Variants in PALM2AKAP2 observed in about 807,000 individuals in gnomAD.
PALM2AKAP2 encodes PALM2 and AKAP2 fusion.
A neutral mutation model predicts 71.5 loss-of-function variants in PALM2AKAP2; 37 were observed. The ratio of observed to expected loss-of-function variants is 0.52; its 90% CI spans 0.40 to 0.68. PALM2AKAP2 has a LOEUF of 0.68. PALM2AKAP2 is among the 30% of genes least tolerant of loss of function. PALM2AKAP2 has a pLI of 0.00. For missense variants in PALM2AKAP2, 1,224 were observed against 1,191.8 expected (o/e 1.03, Z -0.40); for synonymous variants, 468 against 478.8 (o/e 0.98, Z 0.29).
At chr9:109,795,951 G>A (rs1006961764) in intron 1 of PALM2AKAP2, among the ~76,000 whole-genome samples, 11 of 152,224 alleles carry the variant, frequency 7.2e-5, no homozygotes, top group African/African-American at 2.7e-4. Flanking sequence ...CAAAAAGAGA[G>A]GGGCAAAGAA....
In PALM2AKAP2 at chr9:109,640,825, A is replaced by G. The variant is rs1827054025; in HGVS notation, c.-37A>G. ...CCGGGAGAGGCGAGCAGCGCCGGTG[A>G]GCCCCGCAGCAGCGCACCCGGCCGC... On this transcript the variant is annotated 5_prime_UTR_variant, in exon 1 of 7. Coordinates refer to the PALM2AKAP2 transcript ENST00000374531. 2.0e-6 allele frequency: 3 copies of G among 1,512,800 alleles called. No individual in the cohort carries two copies. In the Admixed American group the frequency reaches 6.2e-5, roughly 31 times the overall value. The allele number at this position is 1,512,800 out of a possible 1,614,324, so 93.7% of individuals were successfully genotyped here.
chr9:109,880,514 G>C, intron 2 of PALM2AKAP2, 37 bp from the exon 3 acceptor site: 1 of 1,610,450 alleles, frequency 6.2e-7, no homozygotes, highest in Non-Finnish European at 8.5e-7. Context: ...GGACTGAAAA[G>C]TATCATCTTG....
At chr9:110,013,300 C>G (rs969006475) in intron 6 of PALM2AKAP2, among the ~76,000 whole-genome samples, 1 of 152,168 alleles carries the variant, frequency 6.6e-6, no homozygotes, top group Non-Finnish European at 1.5e-5. Context: ...TCTCCCACAG[C>G]AGGAGAGGAG....
chr9:109,707,313 C>T (rs763043638), intron 1 of PALM2AKAP2, among the ~76,000 whole-genome samples: 6 of 152,034 alleles, frequency 3.9e-5, no homozygotes, highest in African/African-American at 9.7e-5. Context: ...GTGCATCAGC[C>T]GCCTCCCATT....
At chr9:109,664,089 C>T (rs543192233) in intron 1 of PALM2AKAP2, among the ~76,000 whole-genome samples, 48 of 152,174 alleles carry the variant, frequency 3.2e-4, no homozygotes, top group African/African-American at 3.6e-4. Flanking sequence ...TGTCTTTGCA[C>T]GTGAGATGGG....
At chr9:109,719,292 A>G (rs1324958494) in intron 1 of PALM2AKAP2, among the ~76,000 whole-genome samples, 1 of 152,220 alleles carries the variant, frequency 6.6e-6, no homozygotes, top group African/African-American at 2.4e-5. Flanking sequence ...TGAGTGGGTT[A>G]GGAAGGTACA....
At chr9:109,788,317 A>G (rs1827020409) in intron 1 of PALM2AKAP2, among the ~76,000 whole-genome samples, 1 of 152,252 alleles carries the variant, frequency 6.6e-6, no homozygotes, top group East Asian at 1.9e-4. Context: ...ATTTATTATT[A>G]GCCTCAAGTA....
chr9:109,823,927 C>T (rs151268794), intron 1 of PALM2AKAP2, among the ~76,000 whole-genome samples: 2 of 152,268 alleles, frequency 1.3e-5, no homozygotes, highest in South Asian at 2.1e-4. Flanking sequence ...CTCACTCTGG[C>T]GCCCAGGCTG....
chr9:109,643,209 A>C (rs987406558), intron 1 of PALM2AKAP2, among the ~76,000 whole-genome samples: 1 of 152,218 alleles, frequency 6.6e-6, no homozygotes, highest in Non-Finnish European at 1.5e-5. Context: ...ACTAGCAAGA[A>C]GCCACAGCAG....
intron 1 of PALM2AKAP2, among the ~76,000 whole-genome samples, chr9:109,671,474 G>C (rs920549510): frequency 2.0e-5 from 3 of 152,066 alleles, no homozygotes; most frequent in African/African-American, 7.2e-5. Context: ...GTCTGTTTTT[G>C]TACCAGTACC....
At chr9:109,826,323 C>A (rs896131213) in intron 1 of PALM2AKAP2, among the ~76,000 whole-genome samples, 5 of 151,858 alleles carry the variant, frequency 3.3e-5, no homozygotes, top group Non-Finnish European at 7.4e-5. Flanking sequence ...ATGTAACAAA[C>A]CTGCACGTTG....
chr9:110,051,258 T>C (rs1212268488), intron 1 of PALM2AKAP2, among the ~76,000 whole-genome samples: 1 of 152,238 alleles, frequency 6.6e-6, no homozygotes, highest in Non-Finnish European at 1.5e-5. Context: ...AAGTGGCTTA[T>C]TCTGACTCAG....
At chr9:110,169,988 AG>A (rs1836818933) in exon 4 of PALM2AKAP2, 1 of 152,638 alleles carries the variant, frequency 6.6e-6, no homozygotes, top group Admixed American at 6.5e-5. Flanking sequence ...TGACCTAACA[AG>A]GTATTTGCAT....
At chr9:109,707,783 C>T (rs1828166228) in intron 1 of PALM2AKAP2, among the ~76,000 whole-genome samples, 1 of 152,172 alleles carries the variant, frequency 6.6e-6, no homozygotes, top group Non-Finnish European at 1.5e-5. Context: ...AATTTTCACC[C>T]CAGTCTCCAG....
At chr9:109,841,553 AG>A (rs1828679071) in intron 1 of PALM2AKAP2, among the ~76,000 whole-genome samples, 1 of 18,118 alleles carries the variant, frequency 5.5e-5, no homozygotes, top group Non-Finnish European at 9.5e-5. Context: ...GATGGAGGGG[AG>A]GGTGGGGGGA....
intron 1 of PALM2AKAP2, among the ~76,000 whole-genome samples, chr9:109,705,206 C>G (rs1828123726): frequency 6.6e-6 from 1 of 152,132 alleles, no homozygotes; most frequent in Non-Finnish European, 1.5e-5. Context: ...CCCTAGCATG[C>G]TCCTTCAACT....
At chr9:109,731,420 A>G (rs1366144506) in intron 1 of PALM2AKAP2, among the ~76,000 whole-genome samples, 2 of 152,236 alleles carry the variant, frequency 1.3e-5, no homozygotes, top group African/African-American at 4.8e-5. Flanking sequence ...GAAGAAAAGT[A>G]AACTGAAGAA....
At chr9:109,774,094 A>G (rs2118772942) in intron 1 of PALM2AKAP2, among the ~76,000 whole-genome samples, 1 of 152,376 alleles carries the variant, frequency 6.6e-6, no homozygotes, top group East Asian at 1.9e-4. Flanking sequence ...GCTGACTTGC[A>G]GAATGTACAC....
intron 2 of PALM2AKAP2, among the ~76,000 whole-genome samples, chr9:110,151,508 G>A (rs1461047226): frequency 6.6e-6 from 1 of 152,158 alleles, no homozygotes; most frequent in Non-Finnish European, 1.5e-5. Context: ...CTCCCTCCTT[G>A]TTTTCTTTAA....
Sources: gnomAD v4.1 joint callset for allele counts (sites outside exome capture counted in the v4.1 genomes callset) on GRCh38, gnomAD v4.1.1 for gene constraint, MANE v1.5 for transcripts, NCBI Gene and HGNC (gene_info 2026-07-23, HGNC 2026-07-21) for gene names.